EEF1AKMT1: variants seen among roughly 807,000 people sequenced by gnomAD.
EEF1AKMT1 encodes N-6 adenine-specific DNA methyltransferase 2 (putative).
In EEF1AKMT1, 18 loss-of-function variants were observed where a neutral mutation model predicts 21.0. The observed-to-expected ratio is 0.86, with a 90% CI of 0.59 to 1.27. The LOEUF is 1.27. Among genes scored for constraint, EEF1AKMT1 ranks in the 50% most tolerant of loss-of-function variants. The pLI is 0.00. For missense variants in EEF1AKMT1, 246 were observed against 258.6 expected, an observed-to-expected ratio of 0.95 and a Z score of 0.33; for synonymous variants, 109 against 94.8, an observed-to-expected ratio of 1.15 and a Z score of -0.87.
At chr13:20,746,372 C>T (rs61955732) in intron 2 of EEF1AKMT1, among the ~76,000 whole-genome samples, 1,547 of 152,204 alleles carry the variant, frequency 0.01, 23 homozygotes, top group East Asian at 0.048. Context: ...AGGCTGGTCT[C>T]GAACTCCTGA....
intron 3 of EEF1AKMT1, among the ~76,000 whole-genome samples, chr13:20,735,096 G>T (rs1195267893): frequency 6.6e-6 from 1 of 152,164 alleles, no homozygotes; most frequent in Non-Finnish European, 1.5e-5. Context: ...CAGCAGATGG[G>T]TGGGTAGTGG....
At chr13:20,736,687 C>A (rs1419445542) in intron 3 of EEF1AKMT1, among the ~76,000 whole-genome samples, 1 of 148,484 alleles carries the variant, frequency 6.7e-6, no homozygotes, top group African/African-American at 2.5e-5. Flanking sequence ...GGGGGTTAAT[C>A]AGGGATACGG....
chr13:20,733,573 C>G (rs1437297589), intron 3 of EEF1AKMT1, among the ~76,000 whole-genome samples: 2 of 152,174 alleles, frequency 1.3e-5, no homozygotes, highest in Non-Finnish European at 1.5e-5. Context: ...GCAGCCCTCT[C>G]TATGCTGATA....
chr13:20,767,744 C>T (rs562463927), intron 1 of EEF1AKMT1, among the ~76,000 whole-genome samples: 1 of 152,270 alleles, frequency 6.6e-6, no homozygotes, highest in African/African-American at 2.4e-5. Flanking sequence ...CTTCTGCTGC[C>T]CTTCCCTTTC....
At chr13:20,744,294 CCCA>C (rs1595018786) in intron 2 of EEF1AKMT1, among the ~76,000 whole-genome samples, 2 of 152,226 alleles carry the variant, frequency 1.3e-5, no homozygotes, top group African/African-American at 2.4e-5. Flanking sequence ...AATTTACACT[CCCA>C]CCAACAGTGT....
chr13:20,734,699 T>C (rs1255598462), intron 3 of EEF1AKMT1, among the ~76,000 whole-genome samples: 1 of 152,104 alleles, frequency 6.6e-6, no homozygotes, highest in Admixed American at 6.5e-5. Context: ...GTTCACGCCA[T>C]TCTCCTGCCT....
chr13:20,756,229 CACAG>C (rs1382695218), intron 2 of EEF1AKMT1, among the ~76,000 whole-genome samples: 1 of 151,952 alleles, frequency 6.6e-6, no homozygotes, highest in Admixed American at 6.6e-5. Flanking sequence ...AAGGGGTAGT[CACAG>C]ACAAACTTCA....
intron 2 of EEF1AKMT1, among the ~76,000 whole-genome samples, chr13:20,751,596 C>T (rs2058940639): frequency 1.3e-5 from 2 of 152,090 alleles, no homozygotes; most frequent in South Asian, 4.1e-4. Flanking sequence ...TAGTGTGATG[C>T]CTCCACCCTT....
At chr13:20,748,952 C>T (rs1255511157) in intron 2 of EEF1AKMT1, among the ~76,000 whole-genome samples, 1 of 151,082 alleles carries the variant, frequency 6.6e-6, no homozygotes, top group Non-Finnish European at 1.5e-5. Flanking sequence ...TGGTCTCAAA[C>T]TCCTGACCTC....
At position 20,732,971 on chromosome 13, in the gene EEF1AKMT1, A is replaced by G. The variant is rs934498722; in HGVS notation, c.228-850T>C. On this transcript the variant is annotated intron_variant, in intron 3 of 4. Transcript: ENST00000382758. The stretch of plus-strand genomic sequence containing the variant: ...CTTTTTTGTATAAGGAAATTAAAGT[A>G]TCTATCTCATTACAGCAGCCCAGTT... Among the ~76,000 whole-genome samples, 5 of 152,332 alleles carry G rather than the reference A, an allele frequency of 3.3e-5. No individual in the cohort carries two copies. The South Asian group carries it at 1.0e-3, about 32-fold the overall frequency.
At chr13:20,755,079 TG>T (rs1306465258) in intron 2 of EEF1AKMT1, among the ~76,000 whole-genome samples, 2 of 151,926 alleles carry the variant, frequency 1.3e-5, no homozygotes, top group African/African-American at 4.8e-5. Context: ...GGTTGGGAAG[TG>T]CACACTTTGG....
intron 2 of EEF1AKMT1, among the ~76,000 whole-genome samples, chr13:20,744,175 T>C (rs921821881): frequency 6.6e-6 from 1 of 152,242 alleles, no homozygotes; most frequent in Non-Finnish European, 1.5e-5. Context: ...TGTGTCTTTA[T>C]AGCAGAATGA....
chr13:20,735,162 G>A (rs1023448887), intron 3 of EEF1AKMT1, among the ~76,000 whole-genome samples: 1 of 152,162 alleles, frequency 6.6e-6, no homozygotes, highest in Non-Finnish European at 1.5e-5. Context: ...AAGCTGAGAA[G>A]CGCCCTGGTT....
chr13:20,773,345 T>A (rs1305661739), intron 1 of EEF1AKMT1, among the ~76,000 whole-genome samples: 2 of 152,138 alleles, frequency 1.3e-5, no homozygotes, highest in Non-Finnish European at 2.9e-5. Context: ...CTTCTGCACC[T>A]CCGAAGCTAC....
chr13:20,731,206 C>A (rs9805466), intron 4 of EEF1AKMT1, among the ~76,000 whole-genome samples: 1 of 152,158 alleles, frequency 6.6e-6, no homozygotes, highest in East Asian at 1.9e-4. Context: ...GAGATGGAGT[C>A]TTGCTGTGTT....
At chr13:20,748,722 TTTG>T (rs1272961300) in intron 2 of EEF1AKMT1, among the ~76,000 whole-genome samples, 1 of 78,644 alleles carries the variant, frequency 1.3e-5, no homozygotes. Context: ...GTTGTTTTTT[TTTG>T]GTTTTTTTTT....
intron 2 of EEF1AKMT1, among the ~76,000 whole-genome samples, chr13:20,739,044 A>C (rs576155303): frequency 2.0e-5 from 3 of 152,242 alleles, no homozygotes; most frequent in African/African-American, 7.2e-5. Flanking sequence ...GACGTATTCA[A>C]AGTTTCTTCC....
rs115577733 is a variant in EEF1AKMT1, at chr13:20,753,541, T to A, written c.144+3914A>T. On this transcript the variant is annotated intron_variant, in intron 2 of 4. Coordinates refer to ENST00000382758, the MANE Select transcript of EEF1AKMT1 (RefSeq NM_001318939.2). ...GTTGGAGTATCCAGCTATTACTGTA[T>A]TCGTGCCTATCTCTCCTTTTAGATG... Among the ~76,000 whole-genome samples the A allele has an allele frequency of 5.4e-3, 830 of 152,314 alleles. 8 individuals are homozygous for A. The highest frequency in any genetic ancestry group is 0.019 in the African/African-American group (784 of 41,572).
chr13:20,758,157 T>G (rs1166712493), intron 1 of EEF1AKMT1, among the ~76,000 whole-genome samples: 1 of 152,202 alleles, frequency 6.6e-6, no homozygotes, highest in Non-Finnish European at 1.5e-5. Context: ...GTCTGGCACC[T>G]TTTTCGGTCT....
Sources: gnomAD v4.1 joint callset for allele counts (sites outside exome capture counted in the v4.1 genomes callset) on GRCh38, gnomAD v4.1.1 for gene constraint, MANE v1.5 for transcripts, NCBI Gene and HGNC (gene_info 2026-07-23, HGNC 2026-07-21) for gene names.